The following NTSR1 variants were observed in gnomAD, a reference collection of about 807,000 sequenced individuals.
NTSR1 encodes neurotensin receptor type 1.
In NTSR1, 29 loss-of-function variants were observed where a neutral mutation model predicts 31.2. The ratio of observed to expected loss-of-function variants is 0.93; its 90% confidence interval spans 0.69 to 1.27. The LOEUF (loss-of-function observed/expected upper bound fraction) is 1.27. Ranked by LOEUF, NTSR1 falls within the 50% of genes most tolerant of loss-of-function variation. The pLI is 0.00. For missense variants in NTSR1, 697 were observed against 595.4 expected (o/e 1.17, Z -1.78); for synonymous variants, 282 against 269.9 (o/e 1.04, Z -0.44).
In NTSR1 at chr20:62,709,310, T is replaced by C; in HGVS notation, c.103T>C (p.Phe35Leu). Residue 35 changes from phenylalanine (F) to leucine (L), a missense_variant, in exon 1 of 4, where the codon TTC becomes CTC. Physicochemically the swap from Phe to Leu is conservative, Grantham distance 22 (BLOSUM62 0). Transcript: ENST00000370501. Reference protein sequence around the residue: ...GLEEALLAPGFGNASGNASER... With the variant: ...GLEEALLAPGLGNASGNASER... The stretch of plus-strand genomic sequence containing the variant: ...GGAGGAGGCGCTGCTGGCCCCGGGC[T>C]TCGGCAACGCTTCGGGCAACGCGTC... The C allele has an allele frequency of 6.2e-7, 1 of 1,604,644 alleles. No homozygotes were observed. The highest frequency in any genetic ancestry group is 1.1e-5 in the South Asian group (1 of 90,474).
chr20:62,713,964 G>A (rs760368466), intron 1 of NTSR1, among the ~76,000 whole-genome samples: 3 of 152,358 alleles, frequency 2.0e-5, no homozygotes, highest in East Asian at 1.9e-4. Flanking sequence ...GCTGGGCGTC[G>A]TGAAGGATGC....
Position 62,726,412 on chromosome 20 carries a change from C to G in NTSR1, c.714+16491C>G, listed in dbSNP as rs145310469. Among the ~76,000 whole-genome samples the G allele has an allele frequency of 2.6e-4, 39 of 152,300 alleles. No individual in the cohort carries two copies. The East Asian group carries it at 6.4e-3, about 25-fold the overall frequency. ...AACTGCTGCTCTCCGAGACCAGGCC[C>G]AGGAGTGTGGGCTGCTTAGAAAGGA... On this transcript the variant is annotated intron_variant, in intron 1 of 3. Transcript: ENST00000370501.
chr20:62,729,448 G>T (rs1988966382), intron 1 of NTSR1, among the ~76,000 whole-genome samples: 1 of 152,120 alleles, frequency 6.6e-6, no homozygotes, highest in Admixed American at 6.5e-5. Context: ...ATGGATGGAG[G>T]GTGGGCCCTC....
chr20:62,749,149 A>G (rs2069683435), intron 1 of NTSR1, among the ~76,000 whole-genome samples: 1 of 152,216 alleles, frequency 6.6e-6, no homozygotes, highest in South Asian at 2.1e-4. Flanking sequence ...ATGCAAGAGA[A>G]TGAAATTGTA....
rs574515282 is a variant in NTSR1 at position 62,717,243 on chromosome 20, C to T, written c.714+7322C>T. Among the ~76,000 whole-genome samples, 74 of 152,350 alleles carry T rather than the reference C, an allele frequency of 4.9e-4. No homozygotes were observed. The South Asian group carries it at 0.01, about 21-fold the overall frequency. On this transcript the variant is annotated intron_variant, in intron 1 of 3. Transcript: ENST00000370501. ...GAGGGGAGGTGCCCAGCATGCTGAC[C>T]CACCCGAAGCCACCCGTGCCTACTT...
Position 62,756,299 on chromosome 20 carries a change from G to A in NTSR1, c.916+1413G>A, listed in dbSNP as rs545282047. 2.6e-5 allele frequency among the ~76,000 whole-genome samples: 4 copies of A among 152,372 alleles called. No homozygotes were observed. The South Asian group carries it at 8.3e-4, about 32-fold the overall frequency. Reference sequence around the variant, plus strand: ...CCATCTGGGCAACAGAGCTGCAGGCGAGGGGATGGCTGGAGCAAAGGCCCT... The same window carrying A: ...CCATCTGGGCAACAGAGCTGCAGGCAAGGGGATGGCTGGAGCAAAGGCCCT... On this transcript the variant is annotated intron_variant, in intron 2 of 3. Transcript: ENST00000370501.
At chr20:62,754,073 C>T (rs1423452903) in intron 1 of NTSR1, among the ~76,000 whole-genome samples, 1 of 152,186 alleles carries the variant, frequency 6.6e-6, no homozygotes, top group Non-Finnish European at 1.5e-5. Flanking sequence ...ATGACCCAGC[C>T]TTGTGGGTTG....
In NTSR1 at chr20:62,742,118, C is replaced by T. The variant is rs192865608; in HGVS notation, c.715-12567C>T. On this transcript the variant is annotated intron_variant, in intron 1 of 3. Coordinates refer to ENST00000370501, the MANE Select transcript of NTSR1 (RefSeq NM_002531.3). This position sits in a 1 kb window ranked among gnomAD's most constrained non-coding sequence, Gnocchi z 7.1. The stretch of plus-strand genomic sequence containing the variant: ...GCACATCAGAGCTCTCTGATGGAGG[C>T]GTGGACGGGGTCGTGAGGGGCCAAG... Among the ~76,000 whole-genome samples, 1 of 149,698 alleles carries T rather than the reference C, an allele frequency of 6.7e-6. No individual in the cohort carries two copies. Among genetic ancestry groups the T allele is most frequent in the East Asian group, 2.2e-4 (1 of 4,456 alleles).
intron 1 of NTSR1, among the ~76,000 whole-genome samples, 196 bp from the exon 2 acceptor site, chr20:62,754,489 G>A (rs1205251584): frequency 1.3e-5 from 2 of 151,878 alleles, no homozygotes; most frequent in Non-Finnish European, 2.9e-5. Flanking sequence ...GCAGGCTGAG[G>A]GCCAGCTTAC....
chr20:62,709,370 G>T lies in NTSR1; in HGVS notation c.163G>T (p.Asp55Tyr). 1 of 1,609,672 alleles carries T rather than the reference G, an allele frequency of 6.2e-7. No homozygotes were observed. The change falls in exon 1 of 4, where the codon GAC (aspartate) becomes TAC (tyrosine). Residue 55 changes from aspartate to tyrosine, a missense_variant. By Grantham distance (160) the Asp-to-Tyr change is radical (BLOSUM62 -3). Coordinates refer to ENST00000370501, the MANE Select transcript of NTSR1 (RefSeq NM_002531.3). ...RVLAAPSSEL[D>Y]VNTDIYSKVL... ...CCTGGCGGCACCCAGCAGCGAGCTG[G>T]ACGTGAACACCGACATCTACTCCAA...
At position 62,743,098 on chromosome 20, in the gene NTSR1, G is replaced by C. The variant is rs1381762351; in HGVS notation, c.715-11587G>C. Among the ~76,000 whole-genome samples the C allele has an allele frequency of 6.7e-6, 1 of 149,516 alleles. No individual in the cohort carries two copies. Among genetic ancestry groups the C allele is most frequent in the Non-Finnish European group, 1.5e-5 (1 of 68,008 alleles). On this transcript the variant is annotated intron_variant, in intron 1 of 3. Transcript: ENST00000370501. This position sits in a 1 kb window ranked among gnomAD's most constrained non-coding sequence, Gnocchi z 7.5. ...CGGTAGGCTCCAATCCAGAGAGTCA[G>C]GCTGGGAGGGGAGCACGGAGCCGCC... is the stretch of plus-strand genomic sequence containing the variant.
intron 1 of NTSR1, among the ~76,000 whole-genome samples, chr20:62,728,045 G>A (rs1354964629): frequency 1.3e-5 from 2 of 152,230 alleles, no homozygotes; most frequent in East Asian, 1.9e-4. Context: ...GTCTAGGCCC[G>A]GCCCCATCAT....
intron 3 of NTSR1, among the ~76,000 whole-genome samples, chr20:62,759,767 T>C (rs1989580735): frequency 2.3e-5 from 2 of 88,468 alleles, no homozygotes; most frequent in African/African-American, 3.2e-5. Context: ...AGAGCGAGAC[T>C]CCGTCTCAAA....
In NTSR1 at chr20:62,760,261, G is replaced by A. The variant is rs1989595200; in HGVS notation, c.1251G>A (p.Leu417=). 6.2e-7 allele frequency: 1 copy of A among 1,607,026 alleles called. No individual in the cohort carries two copies. Among genetic ancestry groups the A allele is most frequent in the Non-Finnish European group, 8.5e-7 (1 of 1,175,950 alleles). The change falls in exon 4 of 4, where the codon CTG becomes CTA. Residue 417 remains leucine, a synonymous_variant. Transcript: ENST00000370501. ...CCAGCAATGCCACCCGCGAGACGCT[G>A]TACTAGGCTGTGCGCCCCGGAACGT... is the stretch of plus-strand genomic sequence containing the variant. ...TLSSNATRET[L]Y
rs1600718343 is a variant in NTSR1, at chr20:62,715,979, G to A, written c.714+6058G>A. Among the ~76,000 whole-genome samples the A allele has an allele frequency of 6.6e-6, 1 of 152,204 alleles. No homozygotes were observed. Among genetic ancestry groups the A allele is most frequent in the Admixed American group, 6.5e-5 (1 of 15,286 alleles). Reference sequence around the variant, plus strand: ...TTCGTTTTTCTCAATCAAATCTCACGTGGTGATCTAGTAGTTTGTATTAAG... The same window carrying A: ...TTCGTTTTTCTCAATCAAATCTCACATGGTGATCTAGTAGTTTGTATTAAG... On this transcript the variant is annotated intron_variant, in intron 1 of 3. Coordinates refer to ENST00000370501, the MANE Select transcript of NTSR1 (RefSeq NM_002531.3). This position sits in a 1 kb window ranked among gnomAD's most constrained non-coding sequence, Gnocchi z 4.7.
chr20:62,754,566 T>A, intron 1 of NTSR1, 119 bp from the exon 2 acceptor site: 1 of 823,946 alleles, frequency 1.2e-6, no homozygotes. Context: ...TGAACTTGTG[T>A]TGACTGAGCA....
chr20:62,760,549 G>T lies in NTSR1; in HGVS notation c.*282G>T. 2.6e-6 allele frequency: 1 copy of T among 388,576 alleles called. No homozygotes were observed. The highest frequency in any genetic ancestry group is 4.6e-6 in the Non-Finnish European group (1 of 215,312). The allele number at this position is 388,576 out of a possible 1,614,324, so 24.1% of individuals were successfully genotyped here. A position where few individuals can be genotyped will look rare whatever the true frequency, so the allele number is the denominator to read the frequency against. ...CAGATAGGAAAAGGGCCTCTAACAA[G>T]GAGAAATTAGTGTGCGGCAAAAGGC... On this transcript the variant is annotated 3_prime_UTR_variant, in exon 4 of 4. Transcript: ENST00000370501.
chr20:62,738,380 G>T (rs958869535), intron 1 of NTSR1, among the ~76,000 whole-genome samples: 1 of 152,254 alleles, frequency 6.6e-6, no homozygotes, highest in Admixed American at 6.5e-5. Flanking sequence ...GAAGCCTGCA[G>T]CTGTGGGGTC....
chr20:62,746,722 A>C (rs1989306833), intron 1 of NTSR1, among the ~76,000 whole-genome samples: 1 of 152,252 alleles, frequency 6.6e-6, no homozygotes, highest in Admixed American at 6.5e-5. Flanking sequence ...ATCGCGAGAA[A>C]TGGAAAATCT....
Sources: allele counts gnomAD v4.1 joint callset (sites outside exome capture counted in the v4.1 genomes callset), GRCh38; gene constraint gnomAD v4.1.1; non-coding constraint Gnocchi (gnomAD v3.1); transcripts MANE v1.5; gene names NCBI Gene and HGNC (gene_info 2026-07-23, HGNC 2026-07-21).